The following EML4 variants were observed in gnomAD, a reference collection of about 807,000 sequenced individuals.
The protein encoded by EML4 is EMAP like 4, also known as echinoderm microtubule-associated protein-like 4.
A neutral mutation model predicts 129.0 loss-of-function variants in EML4; 72 were observed. That is an observed-to-expected ratio of 0.56 (90% CI 0.46 to 0.68). The LOEUF is 0.68. Ranked by LOEUF, EML4 falls within the 30% of genes least tolerant of loss-of-function variation. EML4 has a pLI of 0.00. For missense variants in EML4, 1,363 were observed against 1,190.6 expected, an observed-to-expected ratio of 1.14 and a Z score of -2.13; for synonymous variants, 532 against 405.0, an observed-to-expected ratio of 1.31 and a Z score of -3.77.
intron 6 of EML4, among the ~76,000 whole-genome samples, chr2:42,265,316 G>T (rs1665995028): frequency 6.6e-6 from 1 of 152,092 alleles, no homozygotes; most frequent in Non-Finnish European, 1.5e-5. Context: ...TGTTGGCCGG[G>T]CTGGCTGCAA....
In EML4 at chr2:42,261,168, A is replaced by C; in HGVS notation, c.386A>C (p.Lys129Thr). 1.9e-6 allele frequency: 3 copies of C among 1,613,856 alleles called. No homozygotes were observed. Among genetic ancestry groups the C allele is most frequent in the Non-Finnish European group, 2.5e-6 (3 of 1,179,856 alleles). ...AAACCACAAGGACAGAGAGAAAAAA[A>C]AGAGGAATCTCATTCTAATGATCAA... is the stretch of plus-strand genomic sequence containing the variant. Reference protein sequence around the residue: ...KEKPQGQREKKEESHSNDQSP... With the variant: ...KEKPQGQREKTEESHSNDQSP... Residue 129 changes from lysine to threonine, a missense_variant, in exon 4 of 23, where the codon AAA becomes ACA. By Grantham distance (78) the Lys-to-Thr change is moderately conservative. Coordinates refer to ENST00000318522, the MANE Select transcript of EML4 (RefSeq NM_019063.5).
At chr2:42,279,553 G>A (rs569199410) in intron 6 of EML4, among the ~76,000 whole-genome samples, 99 of 152,000 alleles carry the variant, frequency 6.5e-4, no homozygotes, top group African/African-American at 2.2e-3. Context: ...CACCTCCCAG[G>A]TTCACGCCAT....
At chr2:42,217,329 T>A (rs1365937642) in intron 1 of EML4, among the ~76,000 whole-genome samples, 2 of 149,754 alleles carry the variant, frequency 1.3e-5, no homozygotes, top group East Asian at 1.9e-4. Context: ...GTCTCTAAGT[T>A]TTTTTTTCAG....
chr2:42,329,911 GC>G lies in EML4; in HGVS notation c.2655del (p.Val886SerfsTer21). 1.2e-6 allele frequency: 2 copies of G among 1,613,884 alleles called. No homozygotes were observed. The highest frequency in any genetic ancestry group is 1.7e-6 in the Non-Finnish European group (2 of 1,179,994). ...TGTAGCGGATACTACTCTAACCAAA[GC>G]CCCCGTCTCTTCCACTGAAAGTGTC... The part of the protein sequence containing the change: ...ETVADTTLTK[A>X]PVSSTESVIQ... On this transcript the variant is annotated frameshift_variant, in exon 23 of 23. Coordinates refer to ENST00000318522, the MANE Select transcript of EML4 (RefSeq NM_019063.5). LOFTEE classifies it high-confidence loss of function.
chr2:42,186,325 A>G (rs1232356087), intron 1 of EML4, among the ~76,000 whole-genome samples: 1 of 151,994 alleles, frequency 6.6e-6, no homozygotes. Flanking sequence ...TGACTTTTTG[A>G]AAGTCTTTAT....
At position 42,331,293 on chromosome 2, in the gene EML4, C is replaced by G; in HGVS notation, c.*1086C>G. 4.5e-6 allele frequency: 1 copy of G among 222,988 alleles called. No individual in the cohort carries two copies. The highest frequency in any genetic ancestry group is 9.0e-6 in the Non-Finnish European group (1 of 111,382). 13.8% of individuals were successfully genotyped at this position (222,988 alleles called of 1,614,324 possible). On this transcript the variant is annotated 3_prime_UTR_variant, in exon 23 of 23. Transcript: ENST00000318522. ...AGCAGTTTTTTTTACCAACAGCATA[C>G]TTAACAGACTTGCTGTGTAGCAGTT...
intron 1 of EML4, among the ~76,000 whole-genome samples, chr2:42,199,990 G>A (rs911076864): frequency 1.3e-5 from 2 of 151,916 alleles, no homozygotes; most frequent in Admixed American, 6.6e-5. Flanking sequence ...AACAGTGGCC[G>A]GGTAAATAAG....
chr2:42,266,623 C>A (rs935063285), intron 6 of EML4, among the ~76,000 whole-genome samples: 1 of 151,106 alleles, frequency 6.6e-6, no homozygotes, highest in East Asian at 2.0e-4. Flanking sequence ...GGATTACAGG[C>A]GTGAGCCACC....
Position 42,227,792 on chromosome 2 carries a change from A to AT in EML4, c.26-17706dup, listed in dbSNP as rs200432729. Among the ~76,000 whole-genome samples the AT allele has an allele frequency of 1.9e-3, 296 of 152,326 alleles. 5 individuals carry two copies. Among genetic ancestry groups the AT allele is most frequent in the Admixed American group, 0.013 (205 of 15,298 alleles). ...TGAATAGTGAATATATTTTCTCATG[A>AT]TTTTTTTAACATATCACCTTATAAA... On this transcript the variant is annotated intron_variant, in intron 1 of 22. Transcript: ENST00000318522.
At chr2:42,224,275 A>G (rs760278849) in intron 1 of EML4, among the ~76,000 whole-genome samples, 2 of 152,140 alleles carry the variant, frequency 1.3e-5, no homozygotes, top group African/African-American at 2.4e-5. Context: ...TTGCCTGTTC[A>G]GGACATTATG....
At chr2:42,225,959 T>C (rs2104150249) in intron 1 of EML4, among the ~76,000 whole-genome samples, 1 of 152,288 alleles carries the variant, frequency 6.6e-6, no homozygotes, top group African/African-American at 2.4e-5. Context: ...ATAAATATTT[T>C]ACAAACATCT....
At chr2:42,199,968 C>T (rs1025609350) in intron 1 of EML4, among the ~76,000 whole-genome samples, 1 of 151,902 alleles carries the variant, frequency 6.6e-6, no homozygotes. Flanking sequence ...TGGATCATTC[C>T]TTAATGAGAT....
intron 13 of EML4, 138 bp from the exon 14 acceptor site, chr2:42,301,103 G>A (rs2103711939): frequency 1.5e-6 from 1 of 654,338 alleles, no homozygotes; most frequent in Middle Eastern, 4.1e-4. Flanking sequence ...CAAAAGACTT[G>A]CTGAAAATAG....
intron 1 of EML4, among the ~76,000 whole-genome samples, chr2:42,192,480 T>A (rs1671653785): frequency 6.6e-6 from 1 of 152,090 alleles, no homozygotes. Flanking sequence ...CCTCAAGTGA[T>A]CCACCTGCCT....
intron 19 of EML4, among the ~76,000 whole-genome samples, chr2:42,323,181 C>T (rs1052518848): frequency 1.3e-5 from 2 of 152,156 alleles, no homozygotes; most frequent in Non-Finnish European, 2.9e-5. Flanking sequence ...TGTACTTTGC[C>T]ATGACCAATC....
intron 13 of EML4, among the ~76,000 whole-genome samples, chr2:42,298,437 G>T (rs1668076020): frequency 6.6e-6 from 1 of 152,116 alleles, no homozygotes; most frequent in African/African-American, 2.4e-5. Context: ...CCTTGGCAGG[G>T]ATTTCAAACA....
At chr2:42,202,967 G>T (rs1446105727) in intron 1 of EML4, among the ~76,000 whole-genome samples, 1 of 152,146 alleles carries the variant, frequency 6.6e-6, no homozygotes, top group African/African-American at 2.4e-5. Context: ...GTTTGAGGCT[G>T]CATTGAGCCA....
At chr2:42,199,298 A>G (rs530262636) in intron 1 of EML4, among the ~76,000 whole-genome samples, 10 of 152,286 alleles carry the variant, frequency 6.6e-5, no homozygotes, top group African/African-American at 2.4e-4. Flanking sequence ...TAAGGAGGAG[A>G]GCAGCTAGGA....
intron 1 of EML4, among the ~76,000 whole-genome samples, chr2:42,229,397 C>T (rs1674179009): frequency 6.6e-6 from 1 of 152,094 alleles, no homozygotes; most frequent in Non-Finnish European, 1.5e-5. Flanking sequence ...AGTCTAAATC[C>T]AGCACTGTGC....
Sources: allele counts gnomAD v4.1 joint callset (sites outside exome capture counted in the v4.1 genomes callset), GRCh38; gene constraint gnomAD v4.1.1; transcripts MANE v1.5; gene names NCBI Gene and HGNC (gene_info 2026-07-23, HGNC 2026-07-21).